Variants in RGS22 observed in about 807,000 individuals in gnomAD.
RGS22 encodes the protein regulator of G-protein signaling 22.
A neutral mutation model predicts 172.9 loss-of-function variants in RGS22; 148 were observed. The ratio of observed to expected loss-of-function variants is 0.86; its 90% confidence interval spans 0.75 to 0.98. RGS22 has a LOEUF of 0.98. Among genes scored for constraint, RGS22 ranks in the 50% least tolerant of loss-of-function variants. The probability of loss-of-function intolerance (pLI) is 0.00; values close to 1 mark genes in which losing one functional copy is unlikely to be tolerated. For synonymous variants in RGS22, 458 were observed against 480.2 expected, an observed-to-expected ratio of 0.95 and a Z score of 0.60; for missense variants, 1,347 against 1,440.8, an observed-to-expected ratio of 0.93 and a Z score of 1.05.
At chr8:100,044,896 G>C (rs1820552607) in intron 11 of RGS22, among the ~76,000 whole-genome samples, 1 of 152,008 alleles carries the variant, frequency 6.6e-6, no homozygotes, top group East Asian at 1.9e-4. Flanking sequence ...TCCTAATGTA[G>C]TTTTACATTT....
chr8:100,066,255 T>A lies in RGS22; in HGVS notation c.636A>T (p.Lys212Asn), dbSNP rs1392329209. ...TQTKDWFALA[K>N]QSQQTVSTFS... is the part of the protein sequence containing the mutation. ...AGGTTGATACTGTTTGCTGACTTTG[T>A]TTTGCTAATGCAAACCAATCTTTTG... The change falls in exon 7 of 28, where the codon AAA becomes AAT. Residue 212 changes from lysine to asparagine, a missense_variant. Transcript: ENST00000360863. 6.2e-7 allele frequency: 1 copy of A among 1,613,390 alleles called. No individual in the cohort carries two copies. The highest frequency in any genetic ancestry group is 1.3e-5 in the African/African-American group (1 of 75,032).
chr8:100,080,080 A>T, intron 4 of RGS22, 54 bp downstream of exon 4: 1 of 1,276,428 alleles, frequency 7.8e-7, no homozygotes, highest in Non-Finnish European at 1.1e-6. Flanking sequence ...AACTCATGTT[A>T]ATTTCACCAA....
intron 14 of RGS22, among the ~76,000 whole-genome samples, chr8:100,033,059 A>G (rs1819015272): frequency 6.6e-6 from 1 of 152,236 alleles, no homozygotes; most frequent in South Asian, 2.1e-4. Context: ...CCCACAAGAG[A>G]AAGCAGGAAA....
intron 3 of RGS22, among the ~76,000 whole-genome samples, chr8:100,087,275 C>G (rs1440183561): frequency 6.6e-6 from 1 of 152,104 alleles, no homozygotes; most frequent in African/African-American, 2.4e-5. Context: ...CAGTTTGAGC[C>G]TCAAACCCAA....
chr8:99,993,769 G>T (rs944080784), intron 20 of RGS22, among the ~76,000 whole-genome samples: 1 of 152,116 alleles, frequency 6.6e-6, no homozygotes, highest in African/African-American at 2.4e-5. Context: ...GTTTTATGAG[G>T]CCAACGTCAT....
intron 23 of RGS22, among the ~76,000 whole-genome samples, chr8:99,967,873 C>T (rs904929645): frequency 9.2e-5 from 14 of 152,186 alleles, no homozygotes; most frequent in Admixed American, 6.5e-4. Flanking sequence ...GCACAGTTCT[C>T]GAGCTCTGCT....
In RGS22 at chr8:100,080,296, A is replaced by G; in HGVS notation, c.177T>C (p.Asp59=). The G allele has an allele frequency of 4.3e-6, 7 of 1,613,770 alleles. No individual in the cohort carries two copies. Among genetic ancestry groups the G allele is most frequent in the Non-Finnish European group, 5.9e-6 (7 of 1,179,830 alleles). Residue 59 remains aspartate, a synonymous_variant, in exon 4 of 28, where the codon GAT becomes GAC. Transcript: ENST00000360863. Reference sequence around the variant, plus strand: ...GTTGTTTTTCCAGAAATTGTGGAGCATCATTAGCTACTTCAAAAACTCCAT... The same window carrying G: ...GTTGTTTTTCCAGAAATTGTGGAGCGTCATTAGCTACTTCAAAAACTCCAT... The part of the protein sequence containing the change: ...ADYGVFEVAN[D]APQFLEKQLK...
At chr8:100,045,053 G>A (rs148164016) in intron 11 of RGS22, among the ~76,000 whole-genome samples, 1 of 151,808 alleles carries the variant, frequency 6.6e-6, no homozygotes, top group South Asian at 2.1e-4. Flanking sequence ...GAGGTGGGAG[G>A]ATTGCTTGAG....
chr8:100,104,488 T>C (rs1813766654), intron 2 of RGS22, among the ~76,000 whole-genome samples: 1 of 152,004 alleles, frequency 6.6e-6, no homozygotes, highest in African/African-American at 2.4e-5. Flanking sequence ...TAGATGTGTG[T>C]GTGTCTGTCT....
At chr8:100,040,758 A>G (rs1051996890) in intron 12 of RGS22, among the ~76,000 whole-genome samples, 1 of 152,206 alleles carries the variant, frequency 6.6e-6, no homozygotes, top group African/African-American at 2.4e-5. Context: ...ACTCTTTGCT[A>G]TATGTTTTAT....
intron 20 of RGS22, among the ~76,000 whole-genome samples, chr8:99,988,086 A>G (rs1813304361): frequency 6.6e-6 from 1 of 151,368 alleles, no homozygotes; most frequent in Admixed American, 6.6e-5. Flanking sequence ...AAAATTATCA[A>G]TTGATTCTAT....
At chr8:100,071,581 T>C (rs1312667667) in intron 5 of RGS22, 44 bp from the exon 6 acceptor site, 4 of 1,533,212 alleles carry the variant, frequency 2.6e-6, no homozygotes, top group Non-Finnish European at 3.5e-6. Context: ...GTTTCAAATA[T>C]GGCAGAATTC....
chr8:100,076,548 G>C (rs908492899), intron 4 of RGS22, among the ~76,000 whole-genome samples: 16 of 152,088 alleles, frequency 1.1e-4, no homozygotes, highest in African/African-American at 3.9e-4. Context: ...TCACTTTTAA[G>C]TGTTTGACAG....
chr8:100,035,728 A>T (rs950108341), intron 14 of RGS22, among the ~76,000 whole-genome samples: 3 of 152,220 alleles, frequency 2.0e-5, no homozygotes, highest in African/African-American at 7.2e-5. Context: ...TCAATGATAG[A>T]CTGGATTAAG....
intron 14 of RGS22, among the ~76,000 whole-genome samples, chr8:100,026,107 A>G (rs1818147034): frequency 6.6e-6 from 1 of 152,198 alleles, no homozygotes; most frequent in Non-Finnish European, 1.5e-5. Context: ...TGCTAGTCTA[A>G]CTGCTATTCA....
At position 99,978,076 on chromosome 8, in the gene RGS22, C is replaced by A. The variant is rs1202461682; in HGVS notation, c.3361-1G>T. The A allele has an allele frequency of 8.7e-6, 13 of 1,501,314 alleles. No homozygotes were observed. The highest frequency in any genetic ancestry group is 1.5e-5 in the African/African-American group (1 of 68,756). 93.0% of individuals were successfully genotyped at this position (1,501,314 alleles called of 1,614,324 possible). A position where few individuals can be genotyped will look rare whatever the true frequency, so the allele number is the denominator to read the frequency against. On this transcript the variant is annotated splice_acceptor_variant, in intron 22 of 27. Coordinates refer to ENST00000360863, the MANE Select transcript of RGS22 (RefSeq NM_015668.5). LOFTEE classifies it high-confidence loss of function. ...TAAACAGAACCCCAAAAATTGTCAT[C>A]TGTATAAAAAAAAGTCTAAGATTAC...
intron 3 of RGS22, among the ~76,000 whole-genome samples, chr8:100,085,006 G>A (rs543113640): frequency 6.6e-6 from 1 of 152,230 alleles, no homozygotes; most frequent in African/African-American, 2.4e-5. Flanking sequence ...AAGGGATTTG[G>A]CTAAACTAGA....
chr8:100,091,766 A>G (rs1236745156), intron 3 of RGS22: 4 of 152,202 alleles, frequency 2.6e-5, no homozygotes, highest in Admixed American at 6.6e-5. Flanking sequence ...TGGAGATTGC[A>G]GAGCCCACAG....
intron 14 of RGS22, among the ~76,000 whole-genome samples, chr8:100,010,655 T>A (rs1402032140): frequency 6.6e-6 from 1 of 152,184 alleles, no homozygotes; most frequent in Non-Finnish European, 1.5e-5. Flanking sequence ...TGTAGCTTAT[T>A]CACTGGTGTA....
Sources: allele counts gnomAD v4.1 joint callset (sites outside exome capture counted in the v4.1 genomes callset), GRCh38; gene constraint gnomAD v4.1.1; transcripts MANE v1.5; gene names NCBI Gene and HGNC (gene_info 2026-07-23, HGNC 2026-07-21).